The following NOP58 variants were observed in gnomAD, a reference collection of about 807,000 sequenced individuals.
NOP58 encodes the protein nucleolar protein 58.
Under a neutral mutation model 71.2 loss-of-function variants are expected in NOP58, and 44 were observed. The ratio of observed to expected loss-of-function variants is 0.62; its 90% CI spans 0.49 to 0.79. NOP58 has a LOEUF of 0.79. Ranked by LOEUF, NOP58 falls within the 30% of genes least tolerant of loss-of-function variation. The probability of loss-of-function intolerance (pLI) is 0.00; values close to 1 mark genes in which losing one functional copy is unlikely to be tolerated. For synonymous variants in NOP58, 228 were observed against 200.3 expected (o/e 1.14, Z -1.17); for missense variants, 538 against 620.2 (o/e 0.87, Z 1.41).
At chr2:202,292,012 A>C (rs538967511) in intron 8 of NOP58, among the ~76,000 whole-genome samples, 11 of 86,086 alleles carry the variant, frequency 1.3e-4, no homozygotes, top group African/African-American at 4.6e-4. Context: ...TTTGAGACAG[A>C]GTCTCACCCT....
chr2:202,290,258 G>A, intron 6 of NOP58, 65 bp from the exon 7 acceptor site: 1 of 1,350,904 alleles, frequency 7.4e-7, no homozygotes, highest in Non-Finnish European at 1.0e-6. Flanking sequence ...TAAATTTTAT[G>A]TTGTGTATGT....
At chr2:202,273,113 A>G (rs1007525488) in intron 1 of NOP58, among the ~76,000 whole-genome samples, 5 of 150,840 alleles carry the variant, frequency 3.3e-5, no homozygotes, top group Non-Finnish European at 6.0e-5. Context: ...CGACAGAGCG[A>G]GACTCCGTCT....
intron 12 of NOP58, among the ~76,000 whole-genome samples, chr2:202,298,234 C>CTAA (rs1284773020): frequency 6.6e-6 from 1 of 152,094 alleles, no homozygotes; most frequent in Non-Finnish European, 1.5e-5. Context: ...TTTTCCATGC[C>CTAA]ATTTAGTTTT....
intron 2 of NOP58, chr2:202,276,646 C>G (rs925096353): frequency 3.2e-6 from 1 of 308,208 alleles, no homozygotes; most frequent in Non-Finnish European, 6.7e-6. Flanking sequence ...TCAAGACCAG[C>G]CTGGGCAATA....
At position 202,303,424 on chromosome 2, in the gene NOP58, G is replaced by A. The variant is rs1689126024; in HGVS notation, c.1578G>A (p.Glu526=). ...EKKKKKKKKR[E]NED ...AGAAGAAAAAGAAAAAAAAGAGAGA[G>A]AACGAGGATTAACAGAAAGGAATTA... Residue 526 remains glutamate, a synonymous_variant, in exon 15 of 15, where the codon GAG becomes GAA. Transcript: ENST00000264279. 1 of 1,611,038 alleles carries A rather than the reference G, an allele frequency of 6.2e-7. No individual in the cohort carries two copies. The highest frequency in any genetic ancestry group is 1.7e-5 in the Admixed American group (1 of 59,864).
chr2:202,265,922 C>G lies in NOP58; in HGVS notation c.-20C>G. 1 of 1,614,080 alleles carries G rather than the reference C, an allele frequency of 6.2e-7. No homozygotes were observed. Among genetic ancestry groups the G allele is most frequent in the Non-Finnish European group, 8.5e-7 (1 of 1,179,962 alleles). On this transcript the variant is annotated 5_prime_UTR_variant, in exon 1 of 15. Coordinates refer to ENST00000264279, the MANE Select transcript of NOP58 (RefSeq NM_015934.5). The stretch of plus-strand genomic sequence containing the variant: ...CTACAGCTTCTGGCAGGCCGTGCGG[C>G]GCCCTGACCCGGCCTCACCATGTTG...
Position 202,292,780 on chromosome 2 carries a change from A to T in NOP58, c.784A>T (p.Ile262Phe). Residue 262 changes from isoleucine (I) to phenylalanine (F), a missense_variant, in exon 9 of 15, where the codon ATT (isoleucine) becomes TTT (phenylalanine). Ile to Phe is a conservative substitution (Grantham distance 21). Coordinates refer to ENST00000264279, the MANE Select transcript of NOP58 (RefSeq NM_015934.5). ...CNILHLCTQV[I>F]EISEYRTQLY... is the part of the protein sequence containing the mutation. Reference sequence around the variant, plus strand: ...TTAACTTTATTCCTTATACTAGGTGATTGAAATCTCTGAATATCGAACCCA... The same window carrying T: ...TTAACTTTATTCCTTATACTAGGTGTTTGAAATCTCTGAATATCGAACCCA... 2 of 1,609,542 alleles carry T rather than the reference A, an allele frequency of 1.2e-6. No homozygotes were observed. Among genetic ancestry groups the T allele is most frequent in the Non-Finnish European group, 1.7e-6 (2 of 1,175,770 alleles).
chr2:202,302,083 C>CTTTTTTTTTTTTTTTTTTTTTTT (rs71031885), intron 13 of NOP58, among the ~76,000 whole-genome samples: 87 of 90,580 alleles, frequency 9.6e-4, no homozygotes, highest in East Asian at 1.5e-3. Flanking sequence ...TTTTTTTTTT[C>CTTTTTTTTTTTTTTTTTTTTTTT]TTTTTTTTTT....
At chr2:202,302,800 C>A in intron 13 of NOP58, 121 bp from the exon 14 acceptor site, 1 of 1,350,468 alleles carries the variant, frequency 7.4e-7, no homozygotes, top group Non-Finnish European at 9.9e-7. Flanking sequence ...ATAAAATAAA[C>A]AAAACAAACA....
intron 4 of NOP58, 80 bp from the exon 5 acceptor site, chr2:202,284,265 T>C (rs1176742940): frequency 4.9e-6 from 6 of 1,225,148 alleles, no homozygotes; most frequent in Non-Finnish European, 6.8e-6. Flanking sequence ...AGAGTGATAC[T>C]GTGTCTCAAA....
Position 202,288,889 on chromosome 2 carries a change from C to T in NOP58, c.499+1165C>T, listed in dbSNP as rs556558217. 5.9e-5 allele frequency among the ~76,000 whole-genome samples: 9 copies of T among 151,944 alleles called. No homozygotes were observed. The South Asian group carries it at 1.9e-3, about 32-fold the overall frequency. ...ATCCTAGCACATTGGGAGGCCAAGGCGGGTGAATTGCCTGAGCTCGGGAGT... is the reference window on the plus strand; with the variant it reads ...ATCCTAGCACATTGGGAGGCCAAGGTGGGTGAATTGCCTGAGCTCGGGAGT... On this transcript the variant is annotated intron_variant, in intron 6 of 14. Coordinates refer to ENST00000264279, the MANE Select transcript of NOP58 (RefSeq NM_015934.5).
intron 8 of NOP58, among the ~76,000 whole-genome samples, chr2:202,292,563 G>A (rs181119421): frequency 6.5e-4 from 99 of 152,074 alleles, no homozygotes; most frequent in Non-Finnish European, 1.1e-3. Flanking sequence ...ACTTGAGCCC[G>A]GGAGGCGGAG....
intron 2 of NOP58, chr2:202,276,447 A>G (rs1311644534): frequency 1.9e-6 from 1 of 513,644 alleles, no homozygotes; most frequent in African/African-American, 1.9e-5. Flanking sequence ...GTTGTCAATG[A>G]TGTATTCTTC....
At chr2:202,279,557 G>T (rs1318539440) in intron 3 of NOP58, among the ~76,000 whole-genome samples, 3 of 152,206 alleles carry the variant, frequency 2.0e-5, no homozygotes, top group African/African-American at 7.2e-5. Flanking sequence ...CAGCACTTTG[G>T]GAGGCCAAGA....
intron 10 of NOP58, among the ~76,000 whole-genome samples, chr2:202,296,702 A>G (rs980418415): frequency 2.1e-5 from 3 of 145,234 alleles, no homozygotes; most frequent in Non-Finnish European, 4.5e-5. Flanking sequence ...AGATTGAAAA[A>G]GAACCCACGC....
intron 9 of NOP58, among the ~76,000 whole-genome samples, chr2:202,293,940 C>G (rs1688946574): frequency 3.3e-5 from 5 of 152,028 alleles, no homozygotes; most frequent in Admixed American, 3.3e-4. Flanking sequence ...GCTATAAGAT[C>G]AGATGATTTC....
chr2:202,287,890 C>T (rs1398020103), intron 6 of NOP58, among the ~76,000 whole-genome samples, 166 bp downstream of exon 6: 1 of 152,076 alleles, frequency 6.6e-6, no homozygotes, highest in Non-Finnish European at 1.5e-5. Context: ...GCAGGCGGAT[C>T]ACCTGAGGTC....
intron 13 of NOP58, among the ~76,000 whole-genome samples, chr2:202,302,336 C>G (rs148718896): frequency 1.3e-5 from 2 of 152,032 alleles, no homozygotes; most frequent in Non-Finnish European, 2.9e-5. Context: ...GTGATCCTCC[C>G]GCCTCAGCCT....
At chr2:202,276,968 CT>C (rs963843742) in intron 2 of NOP58, among the ~76,000 whole-genome samples, 6 of 151,908 alleles carry the variant, frequency 3.9e-5, no homozygotes, top group African/African-American at 7.3e-5. Context: ...GAAACCTCTT[CT>C]CTACTAAAAA....
Sources: gnomAD v4.1 joint callset for allele counts (sites outside exome capture counted in the v4.1 genomes callset) on GRCh38, gnomAD v4.1.1 for gene constraint, MANE v1.5 for transcripts, NCBI Gene and HGNC (gene_info 2026-07-23, HGNC 2026-07-21) for gene names.